DPP10: variants seen among roughly 807,000 people sequenced by gnomAD.
DPP10 encodes the protein inactive dipeptidyl peptidase 10.
A neutral mutation model predicts 120.9 loss-of-function variants in DPP10; 33 were observed. That is an observed-to-expected ratio of 0.27 (90% CI 0.21 to 0.37). DPP10 has a LOEUF of 0.37. Ranked by LOEUF, DPP10 falls within the 10% of genes least tolerant of loss-of-function variation. DPP10 has a pLI of 1.00. For synonymous variants in DPP10, 337 were observed against 326.1 expected, an observed-to-expected ratio of 1.03 and a Z score of -0.36; for missense variants, 816 against 942.8, an observed-to-expected ratio of 0.87 and a Z score of 1.76.
intron 5 of DPP10, among the ~76,000 whole-genome samples, chr2:115,589,595 G>A (rs2082502167): frequency 6.6e-6 from 1 of 152,136 alleles, no homozygotes; most frequent in Non-Finnish European, 1.5e-5. Context: ...TAGAATCAAT[G>A]CTCAGAATCA....
intron 3 of DPP10, among the ~76,000 whole-genome samples, chr2:115,462,465 T>C (rs1281340084): frequency 1.3e-5 from 2 of 152,190 alleles, no homozygotes; most frequent in East Asian, 3.9e-4. Flanking sequence ...TCCTAAAAGG[T>C]TAGAATCCAA....
chr2:115,655,389 A>C (rs1326917125), intron 5 of DPP10, among the ~76,000 whole-genome samples: 1 of 151,712 alleles, frequency 6.6e-6, no homozygotes, highest in Admixed American at 6.6e-5. Context: ...GTGTCAAAAT[A>C]AAACTTTTTT....
chr2:115,615,075 A>G (rs543205183), intron 5 of DPP10, among the ~76,000 whole-genome samples: 86 of 152,258 alleles, frequency 5.6e-4, no homozygotes, highest in Non-Finnish European at 1.1e-3. Context: ...AAGTGAAAAC[A>G]TATATTTTGG....
Position 115,390,977 on chromosome 2 carries a change from T to G in DPP10, c.271+47065T>G, listed in dbSNP as rs571949516. On this transcript the variant is annotated intron_variant, in intron 3 of 25. Transcript: ENST00000410059. ...GAATATTGCACTTTTTCATTATGACTGACAGAGATCCTAGTATTGGTGTAT... is the reference window on the plus strand; with the variant it reads ...GAATATTGCACTTTTTCATTATGACGGACAGAGATCCTAGTATTGGTGTAT... Among the ~76,000 whole-genome samples the G allele has an allele frequency of 4.6e-5, 7 of 152,248 alleles. No individual in the cohort carries two copies. In the South Asian group the frequency reaches 1.5e-3, roughly 32 times the overall value.
At chr2:115,169,731 C>T (rs2053174158) in intron 1 of DPP10, among the ~76,000 whole-genome samples, 1 of 152,104 alleles carries the variant, frequency 6.6e-6, no homozygotes, top group African/African-American at 2.4e-5. Flanking sequence ...AGTGCATAAT[C>T]AAAACCGACT....
intron 3 of DPP10, among the ~76,000 whole-genome samples, chr2:115,355,288 G>C (rs1438992160): frequency 1.3e-5 from 2 of 152,106 alleles, no homozygotes; most frequent in African/African-American, 4.8e-5. Flanking sequence ...TTGTGGTTTT[G>C]ATTTGCATTT....
chr2:114,904,052 C>T (rs973548294), intron 1 of DPP10, among the ~76,000 whole-genome samples: 2 of 152,102 alleles, frequency 1.3e-5, no homozygotes, highest in Non-Finnish European at 2.9e-5. Context: ...ACAACAAATA[C>T]CTAAAAAGGT....
intron 1 of DPP10, among the ~76,000 whole-genome samples, chr2:115,277,386 G>A (rs974717944): frequency 6.8e-6 from 1 of 146,452 alleles, no homozygotes; most frequent in Non-Finnish European, 1.5e-5. Flanking sequence ...TTAGCACAAG[G>A]TACTTTTGGA....
intron 1 of DPP10, among the ~76,000 whole-genome samples, chr2:114,460,187 A>G (rs1323458470): frequency 2.6e-5 from 4 of 151,362 alleles, no homozygotes; most frequent in East Asian, 3.9e-4. Flanking sequence ...CTATCTATCT[A>G]TCTATCTATC....
intron 1 of DPP10, among the ~76,000 whole-genome samples, chr2:114,586,845 T>C (rs1691023395): frequency 6.6e-6 from 1 of 152,210 alleles, no homozygotes; most frequent in Non-Finnish European, 1.5e-5. Flanking sequence ...GCCCCATCTC[T>C]CTTTCTTCTC....
At chr2:114,851,629 T>C (rs1688951060) in intron 1 of DPP10, among the ~76,000 whole-genome samples, 1 of 152,232 alleles carries the variant, frequency 6.6e-6, no homozygotes, top group African/African-American at 2.4e-5. Flanking sequence ...CATTCTAGTA[T>C]AAATTTCTTT....
intron 1 of DPP10, among the ~76,000 whole-genome samples, chr2:114,658,692 G>T (rs7576892): frequency 3.2e-4 from 49 of 151,988 alleles, no homozygotes; most frequent in Admixed American, 2.9e-3. Context: ...GTTTATACCC[G>T]GTATAACAGA....
At chr2:115,365,341 A>C (rs141125081) in intron 3 of DPP10, among the ~76,000 whole-genome samples, 215 of 152,042 alleles carry the variant, frequency 1.4e-3, no homozygotes, top group African/African-American at 4.9e-3. Context: ...AATAATTTGG[A>C]CTCTCACAGA....
chr2:114,960,366 G>GTATATATATATATATATATATA (rs149462158), intron 1 of DPP10, among the ~76,000 whole-genome samples: 150 of 143,772 alleles, frequency 1.0e-3, no homozygotes, highest in African/African-American at 3.7e-3. Context: ...GTGTATGTGC[G>GTATATATATATATATATATATA]TATATATATA....
intron 1 of DPP10, among the ~76,000 whole-genome samples, chr2:115,216,002 G>C (rs2105379391): frequency 6.6e-6 from 1 of 152,308 alleles, no homozygotes; most frequent in South Asian, 2.1e-4. Flanking sequence ...GTCTTCTGCA[G>C]CACCATGGAG....
intron 1 of DPP10, among the ~76,000 whole-genome samples, chr2:114,754,030 G>A (rs1031331133): frequency 6.6e-6 from 1 of 151,996 alleles, no homozygotes; most frequent in African/African-American, 2.4e-5. Context: ...TATGTAAAAT[G>A]CTTAGTGATT....
chr2:115,827,193 CTAAT>C (rs1040148028), intron 21 of DPP10, among the ~76,000 whole-genome samples: 2 of 151,196 alleles, frequency 1.3e-5, no homozygotes, highest in Admixed American at 6.6e-5. Context: ...ATATTTTTAA[CTAAT>C]TAAAGTTGTC....
chr2:114,996,122 C>T (rs973126588), intron 1 of DPP10, among the ~76,000 whole-genome samples: 4 of 152,194 alleles, frequency 2.6e-5, no homozygotes, highest in African/African-American at 9.7e-5. Context: ...AAGTAATAAA[C>T]ATCAAGCTTA....
chr2:115,632,405 A>T (rs1181616806), intron 5 of DPP10, among the ~76,000 whole-genome samples: 6 of 152,038 alleles, frequency 3.9e-5, no homozygotes, highest in African/African-American at 1.4e-4. Context: ...TTTACATTTA[A>T]GGTTAATATT....
Sources: gnomAD v4.1 joint callset for allele counts (sites outside exome capture counted in the v4.1 genomes callset) on GRCh38, gnomAD v4.1.1 for gene constraint, MANE v1.5 for transcripts, NCBI Gene and HGNC (gene_info 2026-07-23, HGNC 2026-07-21) for gene names.